Variants in SENP1 observed in about 807,000 individuals in gnomAD.
SENP1 encodes the protein sentrin-specific protease 1.
A neutral mutation model predicts 93.0 loss-of-function variants in SENP1; 21 were observed. The ratio of observed to expected loss-of-function variants is 0.23; its 90% CI spans 0.16 to 0.33. The LOEUF (loss-of-function observed/expected upper bound fraction) is 0.33. Among genes scored for constraint, SENP1 ranks in the 10% least tolerant of loss-of-function variants. The pLI is 1.00. For missense variants in SENP1, 591 were observed against 758.7 expected, an observed-to-expected ratio of 0.78 and a Z score of 2.60; for synonymous variants, 256 against 259.6, an observed-to-expected ratio of 0.99 and a Z score of 0.13.
intron 8 of SENP1, among the ~76,000 whole-genome samples, chr12:48,072,004 C>T (rs1356307440): frequency 6.6e-6 from 1 of 152,166 alleles, no homozygotes; most frequent in Non-Finnish European, 1.5e-5. Context: ...CCCTGTGCTT[C>T]CTGTCTGTTT....
In SENP1 at chr12:48,050,364, G is replaced by A. The variant is rs114422986; in HGVS notation, c.1408-1232C>T. On this transcript the variant is annotated intron_variant, in intron 13 of 17. Transcript: ENST00000549518. ...CACTGCCAGGAACACACCGGAGCACGGTCTAGACCAGAGAAAGGGCCTATA... is the reference window on the plus strand; with the variant it reads ...CACTGCCAGGAACACACCGGAGCACAGTCTAGACCAGAGAAAGGGCCTATA... 7.4e-3 allele frequency among the ~76,000 whole-genome samples: 1,131 copies of A among 152,314 alleles called. 24 individuals carry two copies. The highest frequency in any genetic ancestry group is 0.026 in the African/African-American group (1,065 of 41,564).
At position 48,096,325 on chromosome 12, in the gene SENP1, C is replaced by A; in HGVS notation, c.220+18G>T. The A allele has an allele frequency of 6.8e-7, 1 of 1,476,284 alleles. No individual in the cohort carries two copies. The highest frequency in any genetic ancestry group is 9.4e-7 in the Non-Finnish European group (1 of 1,060,886). The allele number at this position is 1,476,284 out of a possible 1,614,324, so 91.4% of individuals were successfully genotyped here. ...CCAAAAGGTATAAAGTCCCTTGACTCCAAGTAATGTGTCATACCTGAGTAA... is the reference window on the plus strand; with the variant it reads ...CCAAAAGGTATAAAGTCCCTTGACTACAAGTAATGTGTCATACCTGAGTAA... On this transcript the variant is annotated intron_variant, in intron 4 of 17. Coordinates refer to ENST00000549518, the MANE Select transcript of SENP1 (RefSeq NM_001267594.2).
rs1164863878 is a variant in SENP1, at chr12:48,044,239, T to C, written c.*1083A>G. 1 of 151,158 alleles carries C rather than the reference T, an allele frequency of 6.6e-6. No homozygotes were observed. The highest frequency in any genetic ancestry group is 1.9e-4 in the East Asian group (1 of 5,152). 9.4% of individuals were successfully genotyped at this position (151,158 alleles called of 1,614,324 possible). On this transcript the variant is annotated 3_prime_UTR_variant, in exon 18 of 18. Coordinates refer to ENST00000549518, the MANE Select transcript of SENP1 (RefSeq NM_001267594.2). ...AGGTAGTCCACAAACACCCTACTCATAGGGGCTGGGATCTCTGTGTGCTGG... is the reference window on the plus strand; with the variant it reads ...AGGTAGTCCACAAACACCCTACTCACAGGGGCTGGGATCTCTGTGTGCTGG...
intron 5 of SENP1, chr12:48,085,170 CTGG>C: frequency 1.4e-6 from 2 of 1,444,730 alleles, no homozygotes; most frequent in Non-Finnish European, 1.9e-6. Context: ...CCCCAATTTC[CTGG>C]TGGTGGAGAA....
At chr12:48,066,534 T>C (rs1317508241) in intron 10 of SENP1, among the ~76,000 whole-genome samples, 2 of 151,366 alleles carry the variant, frequency 1.3e-5, no homozygotes, top group Admixed American at 6.6e-5. Context: ...TTTTTTGAGA[T>C]GGAGTCTTAC....
chr12:48,071,851 G>T, intron 8 of SENP1, 130 bp from the exon 9 acceptor site: 1 of 592,438 alleles, frequency 1.7e-6, no homozygotes, highest in Non-Finnish European at 3.0e-6. Context: ...ACAAAGGTTA[G>T]ATGGGAGAGA....
In SENP1 at chr12:48,074,715, G is replaced by C. The variant is rs1348523385; in HGVS notation, c.631C>G (p.Pro211Ala). 6.2e-7 allele frequency: 1 copy of C among 1,612,914 alleles called. No homozygotes were observed. Among genetic ancestry groups the C allele is most frequent in the Non-Finnish European group, 8.5e-7 (1 of 1,179,530 alleles). Residue 211 changes from proline (P) to alanine (A), a missense_variant, in exon 7 of 18, where the codon CCC becomes GCC. Physicochemically the swap from Pro to Ala is conservative, Grantham distance 27. This residue lies in a region of SENP1 where 7 missense variants were observed against 26.1 expected (regional missense o/e 0.27). Coordinates refer to ENST00000549518, the MANE Select transcript of SENP1 (RefSeq NM_001267594.2). ...AGGTGTAAAGGAAAATGTGTGGTGGGTTTGGCTATAGTAAACTGTTTCCCT... is the reference window on the plus strand; with the variant it reads ...AGGTGTAAAGGAAAATGTGTGGTGGCTTTGGCTATAGTAAACTGTTTCCCT... ...VTGKQFTIAK[P>A]TTHFPLHLSR...
Position 48,065,632 on chromosome 12 carries a change from T to C in SENP1, c.1083A>G (p.Glu361=), listed in dbSNP as rs1248031782. 6.4e-7 allele frequency: 1 copy of C among 1,562,622 alleles called. No homozygotes were observed. The highest frequency in any genetic ancestry group is 8.7e-7 in the Non-Finnish European group (1 of 1,151,736). ...SRARERLRQI[E]EQKALALQLQ... ...GCTGTAAGGCCAATGCCTTCTGTTC[T>C]TCAATCTGGCGCAATCTTTCTCGTG... Residue 361 remains glutamate, a synonymous_variant, in exon 11 of 18, where the codon GAA becomes GAG. Coordinates refer to ENST00000549518, the MANE Select transcript of SENP1 (RefSeq NM_001267594.2).
chr12:48,052,219 G>A (rs764211576), intron 13 of SENP1, among the ~76,000 whole-genome samples: 6 of 152,124 alleles, frequency 3.9e-5, no homozygotes, highest in Non-Finnish European at 8.8e-5. Flanking sequence ...TGACATAAAC[G>A]ACCAATGCTA....
chr12:48,051,804 C>T lies in SENP1; in HGVS notation c.1408-2672G>A, dbSNP rs182327097. The stretch of plus-strand genomic sequence containing the variant: ...GCAACAGCCCTTTCCTCAAACAAGA[C>T]TCTCTTAGCACCAGCAGATCCTAAA... On this transcript the variant is annotated intron_variant, in intron 13 of 17. Transcript: ENST00000549518. 1.2e-3 allele frequency among the ~76,000 whole-genome samples: 182 copies of T among 152,164 alleles called. 1 individual carries two copies. The highest frequency in any genetic ancestry group is 4.2e-3 in the African/African-American group (174 of 41,540).
rs1291145976 is a variant in SENP1, at chr12:48,043,535, A to G, written c.*1787T>C. 1 of 152,634 alleles carries G rather than the reference A, an allele frequency of 6.6e-6. No homozygotes were observed. Among genetic ancestry groups the G allele is most frequent in the Non-Finnish European group, 1.5e-5 (1 of 68,028 alleles). 9.5% of individuals were successfully genotyped at this position (152,634 alleles called of 1,614,324 possible). ...TGAGACTGCATGCCACAGCTTTCTAAAAGAGAATGTGAAGGTCCCCAGCAA... is the reference window on the plus strand; with the variant it reads ...TGAGACTGCATGCCACAGCTTTCTAGAAGAGAATGTGAAGGTCCCCAGCAA... On this transcript the variant is annotated 3_prime_UTR_variant, in exon 18 of 18. Transcript: ENST00000549518.
At chr12:48,094,994 G>A (rs987605709) in intron 4 of SENP1, among the ~76,000 whole-genome samples, 8 of 152,136 alleles carry the variant, frequency 5.3e-5, no homozygotes, top group African/African-American at 1.9e-4. Context: ...AATGGTAGTA[G>A]AGTTACGTTT....
At chr12:48,046,281 C>A in intron 17 of SENP1, 75 bp downstream of exon 17, 1 of 989,792 alleles carries the variant, frequency 1.0e-6, no homozygotes. Context: ...AAGAGAACAA[C>A]TGGAGAGAAA....
At chr12:48,105,742 C>T in intron 1 of SENP1, 1 of 533,124 alleles carries the variant, frequency 1.9e-6, no homozygotes. Context: ...TGGGATGGGG[C>T]CTGCTGTAAC....
At position 48,096,381 on chromosome 12, in the gene SENP1, G is replaced by A. The variant is rs1251303133; in HGVS notation, c.182C>T (p.Ser61Phe). 2 of 1,610,500 alleles carry A rather than the reference G, an allele frequency of 1.2e-6. No homozygotes were observed. The highest frequency in any genetic ancestry group is 1.7e-5 in the Admixed American group (1 of 59,952). Residue 61 changes from serine to phenylalanine, a missense_variant, in exon 4 of 18, where the codon TCC (serine) becomes TTC (phenylalanine). Ser to Phe is a radical substitution (Grantham distance 155). Around this residue, in one of 4 missense-constraint regions of SENP1, gnomAD observed 214 missense variants for 243.4 expected, o/e 0.88. Coordinates refer to ENST00000549518, the MANE Select transcript of SENP1 (RefSeq NM_001267594.2). ...TGGATTATAAGCTGCACTTCTTGTG[G>A]AACATGTAAAAGATCGGTCCAAATG... ...QGHLDRSFTC[S>F]TRSAAYNPSY...
At chr12:48,069,345 A>G (rs1943522836) in intron 9 of SENP1, among the ~76,000 whole-genome samples, 1 of 152,264 alleles carries the variant, frequency 6.6e-6, no homozygotes, top group South Asian at 2.1e-4. Flanking sequence ...ACTGAGAGGC[A>G]GTAGTGGAGA....
chr12:48,056,153 A>G (rs1199276979), intron 13 of SENP1, among the ~76,000 whole-genome samples: 20 of 40,168 alleles, frequency 5.0e-4, no homozygotes, highest in African/African-American at 2.1e-3. Context: ...TATATTATTT[A>G]ATATATAGTA....
chr12:48,105,810 G>C lies in SENP1; in HGVS notation c.-45+218C>G, dbSNP rs183870969. ...AGAGAGACCAGAAGGAACGGCCTCAGGTAGCCTAACGGCCACCGGCGGCCA... is the reference window on the plus strand; with the variant it reads ...AGAGAGACCAGAAGGAACGGCCTCACGTAGCCTAACGGCCACCGGCGGCCA... On this transcript the variant is annotated intron_variant, in intron 1 of 17. Transcript: ENST00000549518. The C allele has an allele frequency of 2.7e-3, 1,586 of 594,044 alleles. 8 individuals are homozygous for C. Among genetic ancestry groups the C allele is most frequent in the Non-Finnish European group, 3.0e-3 (1,010 of 333,756 alleles). 36.8% of individuals were successfully genotyped at this position (594,044 alleles called of 1,614,324 possible).
At chr12:48,084,409 A>G (rs1437802775) in intron 5 of SENP1, among the ~76,000 whole-genome samples, 1 of 151,852 alleles carries the variant, frequency 6.6e-6, no homozygotes, top group Non-Finnish European at 1.5e-5. Context: ...TTGTGAACTC[A>G]AAAACCCTGT....
Sources: gnomAD v4.1 joint callset for allele counts (sites outside exome capture counted in the v4.1 genomes callset) on GRCh38, gnomAD v4.1.1 for gene constraint, gnomAD v4.1.1 regional missense constraint, MANE v1.5 for transcripts, NCBI Gene and HGNC (gene_info 2026-07-23, HGNC 2026-07-21) for gene names.